DOK6: variants seen among roughly 807,000 people sequenced by gnomAD.
DOK6 encodes the protein downstream of tyrosine kinase 6.
Under a neutral mutation model 44.0 loss-of-function variants are expected in DOK6, and 22 were observed. The ratio of observed to expected loss-of-function variants is 0.50; its 90% CI spans 0.36 to 0.71. DOK6 has a LOEUF of 0.71. Ranked by LOEUF, DOK6 falls within the 30% of genes least tolerant of loss-of-function variation. The pLI, the probability that DOK6 is intolerant of heterozygous loss-of-function variation, is 0.00. For missense variants in DOK6, 340 were observed against 416.4 expected (o/e 0.82, Z 1.60); for synonymous variants, 166 against 145.5 (o/e 1.14, Z -1.01).
chr18:69,518,678 A>T (rs966007395), intron 1 of DOK6, among the ~76,000 whole-genome samples: 1 of 152,148 alleles, frequency 6.6e-6, no homozygotes, highest in Non-Finnish European at 1.5e-5. Flanking sequence ...TTTTCATGGC[A>T]TTATTTCTTT....
chr18:69,646,844 C>G (rs117801247), intron 3 of DOK6, among the ~76,000 whole-genome samples: 6,045 of 152,228 alleles, frequency 0.04, 167 homozygotes, highest in Admixed American at 0.063. Flanking sequence ...AGTATTACCT[C>G]TATTTCTCCA....
intron 1 of DOK6, among the ~76,000 whole-genome samples, chr18:69,471,179 G>C (rs1311166837): frequency 6.8e-6 from 1 of 147,574 alleles, no homozygotes; most frequent in Non-Finnish European, 1.5e-5. Flanking sequence ...GAACCTGGGA[G>C]GCAGAGGTTG....
rs117602383 is a variant in DOK6 at position 69,469,947 on chromosome 18, G to A, written c.66+68637G>A. The A allele has an allele frequency of 1.1e-3, 212 of 200,692 alleles. 1 individual carries two copies. The highest frequency in any genetic ancestry group is 1.7e-3 in the Non-Finnish European group (161 of 94,192). 12.4% of individuals were successfully genotyped at this position (200,692 alleles called of 1,614,324 possible). A position where few individuals can be genotyped will look rare whatever the true frequency, so the allele number is the denominator to read the frequency against. ...GCCTGGGCTCCAACCTTATCTCATC[G>A]TGGCCTACTTGAACCGAGTGTCCGA... On this transcript the variant is annotated intron_variant, in intron 1 of 7. Transcript: ENST00000382713.
chr18:69,777,736 T>C (rs1412711335), intron 7 of DOK6, among the ~76,000 whole-genome samples: 1 of 141,770 alleles, frequency 7.1e-6, no homozygotes, highest in African/African-American at 2.6e-5. Flanking sequence ...TAGACAGGAC[T>C]GTCCCCTTCA....
At chr18:69,688,014 T>C (rs1182813766) in intron 4 of DOK6, among the ~76,000 whole-genome samples, 4 of 152,248 alleles carry the variant, frequency 2.6e-5, no homozygotes, top group South Asian at 2.1e-4. Flanking sequence ...CAAGTTGGTA[T>C]TCAAATTTTT....
At chr18:69,462,670 A>G (rs923212687) in intron 1 of DOK6, among the ~76,000 whole-genome samples, 1 of 152,188 alleles carries the variant, frequency 6.6e-6, no homozygotes, top group African/African-American at 2.4e-5. Context: ...AAATGTTTTT[A>G]TACAGCATTC....
intron 5 of DOK6, among the ~76,000 whole-genome samples, chr18:69,704,715 G>A (rs144021118): frequency 0.026 from 3,920 of 152,134 alleles, 72 homozygotes; most frequent in Middle Eastern, 0.082. Context: ...TCCTGACTTC[G>A]TGATCCACTT....
chr18:69,607,253 T>G (rs554225068), intron 3 of DOK6, among the ~76,000 whole-genome samples: 180 of 152,362 alleles, frequency 1.2e-3, no homozygotes, highest in Admixed American at 2.5e-3. Context: ...TGATCTACTT[T>G]GTTGCCTTTG....
chr18:69,451,357 G>A (rs2122458612), intron 1 of DOK6, among the ~76,000 whole-genome samples: 1 of 64,532 alleles, frequency 1.5e-5, no homozygotes, highest in Non-Finnish European at 2.8e-5. Flanking sequence ...AACAAGAGGA[G>A]CTAACTATCC....
chr18:69,479,935 A>G (rs1368535638), intron 1 of DOK6, among the ~76,000 whole-genome samples: 1 of 152,158 alleles, frequency 6.6e-6, no homozygotes, highest in Admixed American at 6.6e-5. Flanking sequence ...GCATTAATAG[A>G]TTTAGACACA....
At chr18:69,481,048 C>T (rs921288042) in intron 1 of DOK6, among the ~76,000 whole-genome samples, 4 of 152,098 alleles carry the variant, frequency 2.6e-5, no homozygotes, top group Admixed American at 2.0e-4. Context: ...AGGAGTAAAG[C>T]TTTGGTAGAG....
intron 1 of DOK6, among the ~76,000 whole-genome samples, chr18:69,562,915 A>G (rs1982872718): frequency 6.6e-6 from 1 of 152,234 alleles, no homozygotes; most frequent in South Asian, 2.1e-4. Flanking sequence ...ACAAAGGGCT[A>G]ATATCCAGAA....
chr18:69,433,163 A>C (rs1978854110), intron 1 of DOK6, among the ~76,000 whole-genome samples: 1 of 152,180 alleles, frequency 6.6e-6, no homozygotes, highest in Non-Finnish European at 1.5e-5. Flanking sequence ...GTTTAAGTCT[A>C]TATATTAATA....
At chr18:69,505,253 TG>T (rs1340795932) in intron 1 of DOK6, among the ~76,000 whole-genome samples, 1 of 152,178 alleles carries the variant, frequency 6.6e-6, no homozygotes, top group African/African-American at 2.4e-5. Flanking sequence ...GAAGGGACTG[TG>T]GTTAAGCAAA....
Position 69,677,714 on chromosome 18 carries a change from G to A in DOK6, c.290-20G>A, listed in dbSNP as rs112889174. The A allele has an allele frequency of 0.02, 32,406 of 1,612,562 alleles. 405 individuals carry two copies. The highest frequency in any genetic ancestry group is 0.023 in the Non-Finnish European group (27,441 of 1,179,062). On this transcript the variant is annotated intron_variant, in intron 3 of 7. Coordinates refer to ENST00000382713, the MANE Select transcript of DOK6 (RefSeq NM_152721.6). ...TCCTAGGGAGCATTGCTTGACTGGT[G>A]ATGTTGTGGTTACTTTCAGAGCTGG... is the stretch of plus-strand genomic sequence containing the variant.
In DOK6 at chr18:69,844,615, GAACA is replaced by G. The variant is rs1222424939; in HGVS notation, c.*3238_*3241del. ...AAAACACATCTTTCACTTACTTATT[GAACA>G]AACAATAAGCACTCAGAACTAATTT... On this transcript the variant is annotated 3_prime_UTR_variant, in exon 8 of 8. Transcript: ENST00000382713. The G allele has an allele frequency of 1.2e-4, 19 of 152,074 alleles. No homozygotes were observed. Among genetic ancestry groups the G allele is most frequent in the African/African-American group, 4.1e-4 (17 of 41,386 alleles). 9.4% of individuals were successfully genotyped at this position (152,074 alleles called of 1,614,324 possible).
At chr18:69,576,673 G>A (rs1983245869) in intron 2 of DOK6, among the ~76,000 whole-genome samples, 1 of 151,992 alleles carries the variant, frequency 6.6e-6, no homozygotes, top group African/African-American at 2.4e-5. Context: ...AAACTTCTTG[G>A]CAGAGAGAAA....
chr18:69,649,582 G>A (rs1985170054), intron 3 of DOK6, among the ~76,000 whole-genome samples: 1 of 152,132 alleles, frequency 6.6e-6, no homozygotes, highest in South Asian at 2.1e-4. Context: ...CCTTCTTAAA[G>A]ATAGTGGAGT....
At chr18:69,792,009 G>T (rs185452902) in intron 7 of DOK6, among the ~76,000 whole-genome samples, 2 of 151,930 alleles carry the variant, frequency 1.3e-5, no homozygotes, top group Non-Finnish European at 2.9e-5. Flanking sequence ...TGAAGAGATG[G>T]TCATTTCCCT....
Sources: allele counts gnomAD v4.1 joint callset (sites outside exome capture counted in the v4.1 genomes callset), GRCh38; gene constraint gnomAD v4.1.1; transcripts MANE v1.5; gene names NCBI Gene and HGNC (gene_info 2026-07-23, HGNC 2026-07-21).